CNTNAP2: variants seen among roughly 807,000 people sequenced by gnomAD.
The protein encoded by CNTNAP2 is contactin-associated protein-like 2.
In CNTNAP2, 98 loss-of-function variants were observed where a neutral mutation model predicts 155.2. The observed-to-expected ratio is 0.63, with a 90% CI of 0.54 to 0.75. The LOEUF is 0.75. CNTNAP2 is among the 30% of genes least tolerant of loss of function. The probability of loss-of-function intolerance (pLI) is 0.00; values close to 1 mark genes in which losing one functional copy is unlikely to be tolerated. For missense variants in CNTNAP2, 1,727 were observed against 1,688.1 expected, an observed-to-expected ratio of 1.02 and a Z score of -0.40; for synonymous variants, 651 against 631.2, an observed-to-expected ratio of 1.03 and a Z score of -0.47.
intron 4 of CNTNAP2, among the ~76,000 whole-genome samples, chr7:147,051,083 C>T (rs1799462342): frequency 6.6e-6 from 1 of 151,584 alleles, no homozygotes; most frequent in Non-Finnish European, 1.5e-5. Context: ...AAGCTATATC[C>T]ACAAAGACCC....
intron 15 of CNTNAP2, among the ~76,000 whole-genome samples, chr7:148,040,002 T>C (rs1259593588): frequency 1.3e-5 from 2 of 152,308 alleles, no homozygotes; most frequent in African/African-American, 2.4e-5. Context: ...AACAAAACTA[T>C]CCCTTCTCTC....
At chr7:147,342,252 T>C (rs1795778167) in intron 9 of CNTNAP2, among the ~76,000 whole-genome samples, 1 of 152,160 alleles carries the variant, frequency 6.6e-6, no homozygotes, top group African/African-American at 2.4e-5. Context: ...ATGTAAATAA[T>C]GATAATGGAA....
chr7:148,075,206 G>A (rs887231548), intron 15 of CNTNAP2, among the ~76,000 whole-genome samples: 5 of 152,202 alleles, frequency 3.3e-5, no homozygotes, highest in African/African-American at 1.2e-4. Context: ...GGAGGCCAAG[G>A]CAGGTGGATC....
chr7:146,167,683 A>T (rs779157014), intron 1 of CNTNAP2, among the ~76,000 whole-genome samples: 1 of 152,162 alleles, frequency 6.6e-6, no homozygotes, highest in African/African-American at 2.4e-5. Context: ...AAGATACTGA[A>T]TTTTTGTTTG....
intron 3 of CNTNAP2, among the ~76,000 whole-genome samples, chr7:146,935,352 A>G (rs1471203914): frequency 2.0e-5 from 3 of 152,196 alleles, no homozygotes; most frequent in African/African-American, 7.2e-5. Context: ...TATGTAGATA[A>G]CCTTATATTT....
chr7:146,332,949 T>C (rs1801210057), intron 1 of CNTNAP2, among the ~76,000 whole-genome samples: 1 of 144,174 alleles, frequency 6.9e-6, no homozygotes, highest in African/African-American at 2.6e-5. Context: ...CTATTTTTTT[T>C]TTTTTTTTTT....
intron 12 of CNTNAP2, among the ~76,000 whole-genome samples, chr7:147,576,807 G>A (rs975810900): frequency 6.6e-6 from 1 of 151,892 alleles, no homozygotes; most frequent in African/African-American, 2.4e-5. Flanking sequence ...TTATACGTTT[G>A]GGGTAGTATC....
intron 3 of CNTNAP2, among the ~76,000 whole-genome samples, chr7:146,903,466 TAAAAC>T (rs1239146772): frequency 2.0e-5 from 3 of 152,114 alleles, no homozygotes; most frequent in Admixed American, 1.3e-4. Context: ...TCCAACAAAA[TAAAAC>T]AAAATGAAAC....
intron 21 of CNTNAP2, among the ~76,000 whole-genome samples, chr7:148,280,927 A>C (rs1224460269): frequency 6.6e-6 from 1 of 151,812 alleles, no homozygotes; most frequent in Admixed American, 6.6e-5. Context: ...TCAAAAAAAA[A>C]AGAAAAAAGA....
chr7:147,457,331 T>C (rs761961668), intron 10 of CNTNAP2, among the ~76,000 whole-genome samples: 4 of 152,164 alleles, frequency 2.6e-5, no homozygotes, highest in Non-Finnish European at 4.4e-5. Flanking sequence ...TTCGACTCAA[T>C]GTGCTTCCAT....
rs766917054 is a variant in CNTNAP2 at position 147,242,987 on chromosome 7, A to AT, written c.1349-57125dup. ...TGTTGTATTCCACACTATGCTTTGC[A>AT]TTTTTTTTTTTTTTTTTTTTTTTTT... On this transcript the variant is annotated intron_variant, in intron 8 of 23. Transcript: ENST00000361727. 2.4e-3 allele frequency among the ~76,000 whole-genome samples: 115 copies of AT among 47,148 alleles called. 12 individuals are homozygous for AT. Among genetic ancestry groups the AT allele is most frequent in the Non-Finnish European group, 3.2e-3 (91 of 28,122 alleles). 30.9% of individuals were successfully genotyped at this position (47,148 alleles called of 152,430 possible).
intron 1 of CNTNAP2, among the ~76,000 whole-genome samples, chr7:146,440,046 C>A (rs973312881): frequency 1.3e-5 from 2 of 151,596 alleles, no homozygotes; most frequent in African/African-American, 4.9e-5. Context: ...ATCGCTTGAA[C>A]CCGGGAGGCA....
intron 2 of CNTNAP2, among the ~76,000 whole-genome samples, chr7:146,805,920 C>G (rs1802959089): frequency 6.6e-6 from 1 of 152,050 alleles, no homozygotes; most frequent in Non-Finnish European, 1.5e-5. Context: ...CCATAGCTGG[C>G]CAGAATAATT....
At chr7:146,214,378 T>C (rs575740006) in intron 1 of CNTNAP2, among the ~76,000 whole-genome samples, 1 of 152,232 alleles carries the variant, frequency 6.6e-6, no homozygotes, top group Non-Finnish European at 1.5e-5. Context: ...TGTCATTGTA[T>C]TTACCATTCA....
chr7:146,947,543 A>ATGTG (rs1162152721), intron 3 of CNTNAP2, among the ~76,000 whole-genome samples: 3 of 74,392 alleles, frequency 4.0e-5, no homozygotes, highest in African/African-American at 1.2e-4. Flanking sequence ...GTGTGTGTGT[A>ATGTG]TGTGTGTGTG....
chr7:147,325,461 A>G (rs2116829525), intron 9 of CNTNAP2, among the ~76,000 whole-genome samples: 1 of 152,300 alleles, frequency 6.6e-6, no homozygotes, highest in Non-Finnish European at 1.5e-5. Flanking sequence ...TGCTTTTCTG[A>G]AGAGGTGAAA....
At chr7:146,933,431 A>G (rs1426511965) in intron 3 of CNTNAP2, among the ~76,000 whole-genome samples, 5 of 151,550 alleles carry the variant, frequency 3.3e-5, no homozygotes, top group Non-Finnish European at 7.4e-5. Flanking sequence ...TTATACAAAA[A>G]TTAATTCAGG....
At position 147,571,718 on chromosome 7, in the gene CNTNAP2, G is replaced by A. The variant is rs73741406; in HGVS notation, c.1897+9461G>A. Among the ~76,000 whole-genome samples the A allele has an allele frequency of 8.9e-3, 1,359 of 152,212 alleles. 20 individuals are homozygous for A. Among genetic ancestry groups the A allele is most frequent in the African/African-American group, 0.031 (1,291 of 41,540 alleles). ...TATTAGGGCTTATTAACATTCATAA[G>A]TTGGGCGCTACTAAGCTTCTAACCC... On this transcript the variant is annotated intron_variant, in intron 12 of 23. Coordinates refer to ENST00000361727, the MANE Select transcript of CNTNAP2 (RefSeq NM_014141.6).
chr7:148,384,453 T>G (rs1249238653), intron 22 of CNTNAP2, among the ~76,000 whole-genome samples: 2 of 152,186 alleles, frequency 1.3e-5, no homozygotes, highest in Non-Finnish European at 2.9e-5. Context: ...AGCTGTTGGC[T>G]GAAAAATTAA....
Sources: gnomAD v4.1 joint callset for allele counts (sites outside exome capture counted in the v4.1 genomes callset) on GRCh38, gnomAD v4.1.1 for gene constraint, MANE v1.5 for transcripts, NCBI Gene and HGNC (gene_info 2026-07-23, HGNC 2026-07-21) for gene names.